ELOA: variants seen among roughly 807,000 people sequenced by gnomAD.
ELOA encodes the protein elongin A.
Under a neutral mutation model 85.2 loss-of-function variants are expected in ELOA, and 15 were observed. That is an observed-to-expected ratio of 0.18 (90% CI 0.12 to 0.27). The LOEUF (loss-of-function observed/expected upper bound fraction) is 0.27. ELOA is among the 10% of genes least tolerant of loss of function. The pLI, the probability that ELOA is intolerant of heterozygous loss-of-function variation, is 1.00. For synonymous variants in ELOA, 348 were observed against 357.2 expected (o/e 0.97, Z 0.29); for missense variants, 769 against 952.7 (o/e 0.81, Z 2.54).
chr1:23,752,620 G>A, intron 5 of ELOA, 102 bp downstream of exon 5: 1 of 1,232,356 alleles, frequency 8.1e-7, no homozygotes, highest in Non-Finnish European at 1.1e-6. Context: ...ACTTTGGGAG[G>A]CCGAGGTAAG....
At chr1:23,754,299 C>G in intron 6 of ELOA, 44 bp downstream of exon 6, 2 of 1,612,684 alleles carry the variant, frequency 1.2e-6, no homozygotes, top group Non-Finnish European at 1.7e-6. Context: ...CATTGTAGCA[C>G]TTGGACCTTA....
chr1:23,744,798 GA>G (rs955019282), intron 1 of ELOA, among the ~76,000 whole-genome samples: 5 of 152,176 alleles, frequency 3.3e-5, no homozygotes, highest in Non-Finnish European at 5.9e-5. Flanking sequence ...AGTCCTGGTG[GA>G]AAAGGAAGTC....
At chr1:23,756,120 C>T (rs1193350832) in intron 8 of ELOA, 97 bp downstream of exon 8, 5 of 1,488,472 alleles carry the variant, frequency 3.4e-6, no homozygotes, top group Admixed American at 4.2e-5. Context: ...GACTGCTTGC[C>T]CCTACATCAG....
chr1:23,757,296 C>T (rs1165091275), intron 10 of ELOA, among the ~76,000 whole-genome samples, 171 bp downstream of exon 10: 2 of 152,174 alleles, frequency 1.3e-5, no homozygotes, highest in Non-Finnish European at 2.9e-5. Flanking sequence ...GTCCATAGTG[C>T]ATTATATCTC....
chr1:23,758,705 G>A (rs1638249480), intron 10 of ELOA, among the ~76,000 whole-genome samples: 1 of 151,536 alleles, frequency 6.6e-6, no homozygotes, highest in Admixed American at 6.6e-5. Flanking sequence ...TAATTGCAGG[G>A]CCCATGGGAG....
rs765787938 is a variant in ELOA at position 23,754,395 on chromosome 1, G to C, written c.1726G>C (p.Val576Leu). The change falls in exon 7 of 11, where the codon GTT becomes CTT. Residue 576 changes from valine (V) to leucine (L), a missense_variant. Transcript: ENST00000613537. The part of the protein sequence containing the change: ...IFEVGGVPYS[V>L]LEPVLERCTP... The stretch of plus-strand genomic sequence containing the variant: ...TGAAGTGGGAGGAGTCCCATACTCT[G>C]TTCTTGAACCCGTTTTGGAGAGGTG... 23 of 1,614,062 alleles carry C rather than the reference G, an allele frequency of 1.4e-5. No individual in the cohort carries two copies. Among genetic ancestry groups the C allele is most frequent in the Non-Finnish European group, 1.9e-5 (22 of 1,180,042 alleles).
rs764931361 is a variant in ELOA at position 23,751,279 on chromosome 1, G to A, written c.674G>A (p.Ser225Asn). ...SNAFQDRLGA[S>N]QERHLGEPHG... ...GCCTTTCAGGACAGACTCGGGGCCA[G>A]CCAAGAACGACACCTGGGTGAACCC... Residue 225 changes from serine to asparagine, a missense_variant, in exon 4 of 11, where the codon AGC becomes AAC. Physicochemically the swap from Ser to Asn is conservative, Grantham distance 46. Around this residue, in one of 4 missense-constraint regions of ELOA, gnomAD observed 440 missense variants for 474.0 expected, o/e 0.93. Transcript: ENST00000613537. The A allele has an allele frequency of 1.2e-6, 2 of 1,614,188 alleles. No homozygotes were observed. Among genetic ancestry groups the A allele is most frequent in the Non-Finnish European group, 1.7e-6 (2 of 1,180,036 alleles).
chr1:23,758,789 A>G (rs965550015), intron 10 of ELOA, among the ~76,000 whole-genome samples: 1 of 151,934 alleles, frequency 6.6e-6, no homozygotes, highest in Non-Finnish European at 1.5e-5. Flanking sequence ...TTCCTTAGGC[A>G]GTACTTGCAT....
intron 2 of ELOA, 64 bp downstream of exon 2, chr1:23,749,141 T>C: frequency 3.5e-6 from 5 of 1,412,660 alleles, no homozygotes; most frequent in Non-Finnish European, 4.0e-6. Flanking sequence ...CTGGAGAGTG[T>C]GTAGAATAAG....
Position 23,756,326 on chromosome 1 carries a change from C to T in ELOA, c.2025C>T (p.Asp675=), listed in dbSNP as rs767651611. The change falls in exon 9 of 11, where the codon GAC becomes GAT. Residue 675 remains aspartate, a synonymous_variant. Transcript: ENST00000613537. ...ACTCTGTGGCCAAGCCACCTCGTGA[C>T]GTCCGGAGGAGGCAGGAAAAGTTTG... The part of the protein sequence containing the change: ...FVNSVAKPPR[D]VRRRQEKFGT... 4.0e-5 allele frequency: 64 copies of T among 1,580,870 alleles called. No homozygotes were observed. The highest frequency in any genetic ancestry group is 3.4e-4 in the Middle Eastern group (2 of 5,954).
chr1:23,751,612 C>T lies in ELOA; in HGVS notation c.1007C>T (p.Ala336Val), dbSNP rs1221881139. 5 of 1,614,038 alleles carry T rather than the reference C, an allele frequency of 3.1e-6. No homozygotes were observed. The Admixed American group carries it at 8.3e-5, about 27-fold the overall frequency. The change falls in exon 4 of 11, where the codon GCC becomes GTC. Residue 336 changes from alanine to valine, a missense_variant. Physicochemically the swap from Ala to Val is moderately conservative, Grantham distance 64. Coordinates refer to ENST00000613537, the MANE Select transcript of ELOA (RefSeq NM_003198.3). Reference sequence around the variant, plus strand: ...CCAAAGCACAGAGACCCAGAGAAAGCCAAATTGGACAAAAGCAAGCAAGGT... The same window carrying T: ...CCAAAGCACAGAGACCCAGAGAAAGTCAAATTGGACAAAAGCAAGCAAGGT... ...KKPKHRDPEK[A>V]KLDKSKQGLD...
intron 10 of ELOA, among the ~76,000 whole-genome samples, chr1:23,758,283 T>TTTTA (rs1557456811): frequency 1.1e-4 from 12 of 111,976 alleles, no homozygotes; most frequent in African/African-American, 4.2e-4. Context: ...TTTTTTTTTT[T>TTTTA]TTTTTTTGGA....
rs1010486691 is a variant in ELOA, at chr1:23,743,498, A to G, written c.-6A>G. 21 of 1,505,796 alleles carry G rather than the reference A, an allele frequency of 1.4e-5. No homozygotes were observed. Among genetic ancestry groups the G allele is most frequent in the Non-Finnish European group, 1.7e-5 (19 of 1,132,814 alleles). The allele number at this position is 1,505,796 out of a possible 1,614,324, so 93.3% of individuals were successfully genotyped here. A position where few individuals can be genotyped will look rare whatever the true frequency, so the allele number is the denominator to read the frequency against. On this transcript the variant is annotated 5_prime_UTR_variant, in exon 1 of 11. Coordinates refer to ENST00000613537, the MANE Select transcript of ELOA (RefSeq NM_003198.3). Reference sequence around the variant, plus strand: ...TTCCGGCGAGGAGGCCGCGCCAGTGACAGCGATGGCGGCGGAGTCGGCGCT... The same window carrying G: ...TTCCGGCGAGGAGGCCGCGCCAGTGGCAGCGATGGCGGCGGAGTCGGCGCT...
At chr1:23,756,491 G>A in intron 9 of ELOA, 106 bp downstream of exon 9, 1 of 979,498 alleles carries the variant, frequency 1.0e-6, no homozygotes, top group Non-Finnish European at 1.5e-6. Context: ...AGTGCAGACT[G>A]TGGGCTCTGG....
At chr1:23,752,747 AG>A (rs1315986750) in intron 5 of ELOA, among the ~76,000 whole-genome samples, 1 of 152,096 alleles carries the variant, frequency 6.6e-6, no homozygotes. Context: ...GTTCGAGATT[AG>A]CCTGGCCAAC....
rs1440538452 is a variant in ELOA at position 23,761,194 on chromosome 1, A to G, written c.*1621A>G. 6.6e-6 allele frequency: 1 copy of G among 152,144 alleles called. No homozygotes were observed. Among genetic ancestry groups the G allele is most frequent in the Non-Finnish European group, 1.5e-5 (1 of 68,028 alleles). The allele number at this position is 152,144 out of a possible 1,614,324, so 9.4% of individuals were successfully genotyped here. ...AAATGTTACTATGTTTTAATTTGCT[A>G]TATTTTTGAATGGGTAAAGCATTAC... On this transcript the variant is annotated 3_prime_UTR_variant, in exon 11 of 11. Transcript: ENST00000613537.
At chr1:23,748,329 A>T (rs1441101782) in intron 1 of ELOA, among the ~76,000 whole-genome samples, 1 of 152,110 alleles carries the variant, frequency 6.6e-6, no homozygotes, top group African/African-American at 2.4e-5. Context: ...ACAAAGCCAG[A>T]TTGTCAAGCC....
intron 1 of ELOA, among the ~76,000 whole-genome samples, chr1:23,747,295 T>A (rs1644751322): frequency 6.6e-6 from 1 of 152,268 alleles, no homozygotes; most frequent in Non-Finnish European, 1.5e-5. Context: ...AGTGTTCTGA[T>A]GTTGGATGCT....
Position 23,754,406 on chromosome 1 carries a change from C to T in ELOA, c.1737C>T (p.Pro579=), listed in dbSNP as rs751105962. 1.4e-5 allele frequency: 22 copies of T among 1,613,974 alleles called. No homozygotes were observed. Among genetic ancestry groups the T allele is most frequent in the Middle Eastern group, 1.6e-4 (1 of 6,084 alleles). Residue 579 remains proline, a synonymous_variant, in exon 7 of 11, where the codon CCC becomes CCT. Coordinates refer to ENST00000613537, the MANE Select transcript of ELOA (RefSeq NM_003198.3). ...VGGVPYSVLE[P]VLERCTPDQL... ...GAGTCCCATACTCTGTTCTTGAACC[C>T]GTTTTGGAGAGGTGTACACCTGATC...
Sources: gnomAD v4.1 joint callset for allele counts (sites outside exome capture counted in the v4.1 genomes callset) on GRCh38, gnomAD v4.1.1 for gene constraint, gnomAD v4.1.1 regional missense constraint, MANE v1.5 for transcripts, NCBI Gene and HGNC (gene_info 2026-07-23, HGNC 2026-07-21) for gene names.